Variants in ABCF2 observed in about 807,000 individuals in gnomAD.
ABCF2 encodes the protein ATP binding cassette subfamily F member 2.
A neutral mutation model predicts 76.9 loss-of-function variants in ABCF2; 37 were observed. That is an observed-to-expected ratio of 0.48 (90% confidence interval 0.37 to 0.63). The LOEUF (loss-of-function observed/expected upper bound fraction) is 0.63. Ranked by LOEUF, ABCF2 falls within the 30% of genes least tolerant of loss-of-function variation. ABCF2 has a pLI of 0.00. For missense variants in ABCF2, 524 were observed against 782.1 expected, an observed-to-expected ratio of 0.67 and a Z score of 3.94; for synonymous variants, 299 against 283.7, an observed-to-expected ratio of 1.05 and a Z score of -0.54.
chr7:151,218,958 T>A (rs1484898701), intron 8 of ABCF2, 85 bp from the exon 9 acceptor site: 20 of 1,608,632 alleles, frequency 1.2e-5, no homozygotes, highest in Non-Finnish European at 1.5e-5. Context: ...TGATCGTAAC[T>A]TCTTCCCGAC....
chr7:151,213,236 A>G lies in ABCF2; in HGVS notation c.*818T>C. ...ACGTTCTTGGTCTCCCCCAAAACCT[A>G]TTGAACCAGAAACGCTGAGGCGAGA... On this transcript the variant is annotated 3_prime_UTR_variant, in exon 15 of 15. Transcript: ENST00000287844. 1 of 978,558 alleles carries G rather than the reference A, an allele frequency of 1.0e-6. No homozygotes were observed. Among genetic ancestry groups the G allele is most frequent in the Non-Finnish European group, 1.2e-6 (1 of 823,726 alleles). 60.6% of individuals were successfully genotyped at this position (978,558 alleles called of 1,614,324 possible). A position where few individuals can be genotyped will look rare whatever the true frequency, so the allele number is the denominator to read the frequency against.
In ABCF2 at chr7:151,212,480, G is replaced by A; in HGVS notation, c.*1574C>T. On this transcript the variant is annotated 3_prime_UTR_variant, in exon 15 of 15. Transcript: ENST00000287844. ...TTCTACCAAATGCGATTAATCAATAGGTCTGATGCTCAGCAATCTGAATTT... is the reference window on the plus strand; with the variant it reads ...TTCTACCAAATGCGATTAATCAATAAGTCTGATGCTCAGCAATCTGAATTT... 1.0e-6 allele frequency: 1 copy of A among 985,422 alleles called. No homozygotes were observed. Among genetic ancestry groups the A allele is most frequent in the Non-Finnish European group, 1.2e-6 (1 of 829,934 alleles). 61.0% of individuals were successfully genotyped at this position (985,422 alleles called of 1,614,324 possible).
rs7786151 is a variant in ABCF2, at chr7:151,215,700, T to G, written c.1434A>C (p.Ser478=). The change falls in exon 13 of 15, where the codon TCA becomes TCC. Residue 478 remains serine (S), a synonymous_variant. Transcript: ENST00000287844. The surrounding 1 kb of genome is among the most constrained non-coding windows in gnomAD (Gnocchi z 4.6). ...HLQEQLDLDL[S]PLEYMMKCYP... Reference sequence around the variant, plus strand: ...AGCACTTCATCATGTACTCCAAAGGTGAGAGATCTAAGTCCAGCTGCTCTT... The same window carrying G: ...AGCACTTCATCATGTACTCCAAAGGGGAGAGATCTAAGTCCAGCTGCTCTT... 15 of 1,614,082 alleles carry G rather than the reference T, an allele frequency of 9.3e-6. No individual in the cohort carries two copies. The highest frequency in any genetic ancestry group is 1.3e-5 in the Non-Finnish European group (15 of 1,180,020).
chr7:151,214,200 C>G lies in ABCF2; in HGVS notation c.1735-9G>C. The G allele has an allele frequency of 6.2e-7, 1 of 1,614,156 alleles. No homozygotes were observed. ...CAAATTTCCTGTGCAACCTAGAAAGCAAAACCTGGACTTAATCCTGGGCTA... is the reference window on the plus strand; with the variant it reads ...CAAATTTCCTGTGCAACCTAGAAAGGAAAACCTGGACTTAATCCTGGGCTA... On this transcript the variant is annotated splice_polypyrimidine_tract_variant and intron_variant, in intron 14 of 14. Transcript: ENST00000287844. This position sits in a 1 kb window ranked among gnomAD's most constrained non-coding sequence, Gnocchi z 4.9.
Position 151,215,518 on chromosome 7 carries a change from C to T in ABCF2, c.1530+86G>A. 6.5e-7 allele frequency: 1 copy of T among 1,549,604 alleles called. No homozygotes were observed. Among genetic ancestry groups the T allele is most frequent in the Non-Finnish European group, 8.8e-7 (1 of 1,140,638 alleles). On this transcript the variant is annotated intron_variant, in intron 13 of 14. Coordinates refer to ENST00000287844, the MANE Select transcript of ABCF2 (RefSeq NM_007189.3). This position sits in a 1 kb window ranked among gnomAD's most constrained non-coding sequence, Gnocchi z 4.6. ...ACTCTGGTTTGGACAGCTTCCAAACCCAGGCTGCCAGGACAGTATCCCCTG... is the reference window on the plus strand; with the variant it reads ...ACTCTGGTTTGGACAGCTTCCAAACTCAGGCTGCCAGGACAGTATCCCCTG...
intron 11 of ABCF2, 33 bp from the exon 12 acceptor site, chr7:151,216,062 A>G (rs767590606): frequency 6.3e-7 from 1 of 1,595,130 alleles, no homozygotes; most frequent in Non-Finnish European, 8.6e-7. Context: ...GTAAGCATGA[A>G]ACAAAGGAAG....
At chr7:151,216,654 C>T (rs1361038187) in intron 11 of ABCF2, among the ~76,000 whole-genome samples, 2 of 152,124 alleles carry the variant, frequency 1.3e-5, no homozygotes, top group Non-Finnish European at 1.5e-5. Context: ...GGATTACAGA[C>T]ACCCGCCACC....
chr7:151,224,634 G>C, intron 3 of ABCF2, 142 bp downstream of exon 3: 2 of 773,604 alleles, frequency 2.6e-6, no homozygotes, highest in South Asian at 2.9e-5. Flanking sequence ...TGCGTTGCTA[G>C]TTCCTTTCCC....
intron 1 of ABCF2, 131 bp downstream of exon 1, chr7:151,227,032 T>A (rs1012425120): frequency 1.8e-5 from 2 of 113,392 alleles, no homozygotes; most frequent in African/African-American, 6.8e-5. Context: ...CCCGTCAGCT[T>A]CTCTCCCTTA....
Position 151,212,630 on chromosome 7 carries a change from G to A in ABCF2, c.*1424C>T, listed in dbSNP as rs73169654. The A allele has an allele frequency of 0.097, 26,779 of 276,092 alleles. 1,469 individuals carry two copies. The highest frequency in any genetic ancestry group is 0.11 in the Non-Finnish European group (20,336 of 181,568). 17.1% of individuals were successfully genotyped at this position (276,092 alleles called of 1,614,324 possible). ...TCCTCTTATCAGAGCAGCTGGGACC[G>A]CAGGCACATGCTACTATGCCCGGTT... On this transcript the variant is annotated 3_prime_UTR_variant, in exon 15 of 15. Transcript: ENST00000287844.
chr7:151,222,439 A>G, intron 6 of ABCF2, 82 bp downstream of exon 6: 1 of 1,149,968 alleles, frequency 8.7e-7, no homozygotes, highest in Non-Finnish European at 1.3e-6. Flanking sequence ...CCGCTCTAAC[A>G]TCAGTGCAGT....
At chr7:151,221,182 G>A (rs1802258350) in intron 7 of ABCF2, among the ~76,000 whole-genome samples, 1 of 151,906 alleles carries the variant, frequency 6.6e-6, no homozygotes, top group Admixed American at 6.6e-5. Flanking sequence ...TAGGTAGAAA[G>A]GAGCTAATAG....
At chr7:151,221,251 G>C (rs1802260726) in intron 7 of ABCF2, among the ~76,000 whole-genome samples, 1 of 151,272 alleles carries the variant, frequency 6.6e-6, no homozygotes, top group Non-Finnish European at 1.5e-5. Context: ...CCAGGCTGGA[G>C]TGCAGTGGTG....
chr7:151,218,294 A>G, intron 10 of ABCF2, 103 bp from the exon 11 acceptor site: 1 of 871,816 alleles, frequency 1.1e-6, no homozygotes, highest in Non-Finnish European at 1.9e-6. Context: ...GAGAGGAGGA[A>G]GGGAGAGTAG....
Position 151,221,611 on chromosome 7 carries a change from A to C in ABCF2, c.888T>G (p.Ile296Met). 6.2e-7 allele frequency: 1 copy of C among 1,609,860 alleles called. No homozygotes were observed. The highest frequency in any genetic ancestry group is 8.5e-7 in the Non-Finnish European group (1 of 1,176,356). Residue 296 changes from isoleucine (I) to methionine (M), a missense_variant, in exon 7 of 15, where the codon ATT becomes ATG. Ile to Met is a conservative substitution (Grantham distance 10). Coordinates refer to ENST00000287844, the MANE Select transcript of ABCF2 (RefSeq NM_007189.3). Reference sequence around the variant, plus strand: ...ACTTCAGTTTCTTGTTGTGCATGTGAATGATATTGGTACAGACACCATTCA... The same window carrying C: ...ACTTCAGTTTCTTGTTGTGCATGTGCATGATATTGGTACAGACACCATTCA... ...DFLNGVCTNI[I>M]HMHNKKLKYY...
intron 7 of ABCF2, among the ~76,000 whole-genome samples, chr7:151,219,426 G>A (rs536822140): frequency 1.3e-5 from 2 of 152,320 alleles, no homozygotes; most frequent in African/African-American, 4.8e-5. Flanking sequence ...GTGGCACTGG[G>A]AATAGTCCTG....
rs1802125386 is a variant in ABCF2, at chr7:151,215,146, C to CTCCCTCATTTCTCCCT, written c.1531-80_1531-65dup. The CTCCCTCATTTCTCCCT allele has an allele frequency of 1.4e-6, 2 of 1,448,856 alleles. No individual in the cohort carries two copies. Among genetic ancestry groups the CTCCCTCATTTCTCCCT allele is most frequent in the Admixed American group, 3.9e-5 (2 of 51,540 alleles). 89.8% of individuals were successfully genotyped at this position (1,448,856 alleles called of 1,614,324 possible). A position where few individuals can be genotyped will look rare whatever the true frequency, so the allele number is the denominator to read the frequency against. On this transcript the variant is annotated intron_variant, in intron 13 of 14. Transcript: ENST00000287844. The surrounding 1 kb of genome is among the most constrained non-coding windows in gnomAD (Gnocchi z 4.6). ...CCCCGCCAAACAGCACAGCTCATCTCTCCCTCATTTCTCCCTGACTCCTCC... is the reference window on the plus strand; with the variant it reads ...CCCCGCCAAACAGCACAGCTCATCTCTCCCTCATTTCTCCCTTCCCTCATTTCTCCCTGACTCCTCC...
At chr7:151,223,315 G>C (rs1269057511) in intron 5 of ABCF2, among the ~76,000 whole-genome samples, 2 of 152,164 alleles carry the variant, frequency 1.3e-5, no homozygotes, top group Admixed American at 1.3e-4. Flanking sequence ...TATCATAATA[G>C]CCGTCTAACA....
At chr7:151,226,596 T>G in intron 1 of ABCF2, 96 bp from the exon 2 acceptor site, 1 of 973,308 alleles carries the variant, frequency 1.0e-6, no homozygotes, top group East Asian at 2.7e-5. Flanking sequence ...CGTATCAACA[T>G]CAAGCCTCTG....
Sources: allele counts gnomAD v4.1 joint callset (sites outside exome capture counted in the v4.1 genomes callset), GRCh38; gene constraint gnomAD v4.1.1; non-coding constraint Gnocchi (gnomAD v3.1); transcripts MANE v1.5; gene names NCBI Gene and HGNC (gene_info 2026-07-23, HGNC 2026-07-21).